The following EPHA6 variants were observed in gnomAD, a reference collection of about 807,000 sequenced individuals.
EPHA6 encodes EPH receptor A6, also known as ephrin type-A receptor 6.
EPHA6 carries 50 observed loss-of-function variants against 112.0 expected under a neutral mutation model. The observed-to-expected ratio is 0.45, with a 90% CI of 0.36 to 0.56. The LOEUF is 0.56. Ranked by LOEUF, EPHA6 falls within the 20% of genes least tolerant of loss-of-function variation. EPHA6 has a pLI of 0.00. For missense variants in EPHA6, 1,280 were observed against 1,417.4 expected (o/e 0.90, Z 1.56); for synonymous variants, 529 against 490.7 (o/e 1.08, Z -1.03).
rs184480726 is a variant in EPHA6, at chr3:97,505,228, T to C, written c.2200+21169T>C. Among the ~76,000 whole-genome samples, 417 of 152,342 alleles carry C rather than the reference T, an allele frequency of 2.7e-3. 3 individuals carry two copies. Among genetic ancestry groups the C allele is most frequent in the African/African-American group, 9.6e-3 (398 of 41,588 alleles). On this transcript the variant is annotated intron_variant, in intron 10 of 17. Transcript: ENST00000389672. ...ATTATACTTTAAGTTCTGGGATACATGTGCAGAACATGCAAGTTTGCTACA... is the reference window on the plus strand; with the variant it reads ...ATTATACTTTAAGTTCTGGGATACACGTGCAGAACATGCAAGTTTGCTACA...
intron 8 of EPHA6, among the ~76,000 whole-genome samples, chr3:97,478,093 A>T (rs1051272044): frequency 2.7e-5 from 4 of 150,738 alleles, no homozygotes; most frequent in Non-Finnish European, 2.9e-5. Context: ...ATTTAACATC[A>T]GTATTACATT....
At chr3:96,908,969 G>A (rs761562482) in intron 2 of EPHA6, among the ~76,000 whole-genome samples, 2 of 151,876 alleles carry the variant, frequency 1.3e-5, no homozygotes, top group Non-Finnish European at 2.9e-5. Flanking sequence ...CAGTTGTGAA[G>A]GTTAGAGAAC....
At chr3:97,147,720 A>T (rs2076077281) in intron 3 of EPHA6, among the ~76,000 whole-genome samples, 1 of 152,124 alleles carries the variant, frequency 6.6e-6, no homozygotes, top group Non-Finnish European at 1.5e-5. Flanking sequence ...AGACTGGGAG[A>T]TGTTCTGCAG....
At position 97,514,921 on chromosome 3, in the gene EPHA6, T is replaced by C. The variant is rs192819832; in HGVS notation, c.2201-17437T>C. Among the ~76,000 whole-genome samples the C allele has an allele frequency of 6.6e-5, 10 of 152,272 alleles. No homozygotes were observed. The East Asian group carries it at 9.7e-4, about 15-fold the overall frequency. The stretch of plus-strand genomic sequence containing the variant: ...ATCATCGGAACCTTGAGAAAATAAA[T>C]GTCTGTTGTTTAAACCACCTAGTCT... On this transcript the variant is annotated intron_variant, in intron 10 of 17. Coordinates refer to ENST00000389672, the MANE Select transcript of EPHA6 (RefSeq NM_001080448.3).
chr3:97,690,320 C>T (rs1236498751), intron 14 of EPHA6, among the ~76,000 whole-genome samples: 1 of 152,250 alleles, frequency 6.6e-6, no homozygotes, highest in Non-Finnish European at 1.5e-5. Flanking sequence ...TGTTGTCTAT[C>T]TTTTTCATTA....
rs191790658 is a variant in EPHA6, at chr3:97,268,097, T to C, written c.1606+23810T>C. On this transcript the variant is annotated intron_variant, in intron 5 of 17. Transcript: ENST00000389672. ...ATACAAAGAGTGTTGGATTCCTTTT[T>C]CCTGATTGCAAAGATGCCAGCTACA... 7.2e-5 allele frequency among the ~76,000 whole-genome samples: 11 copies of C among 152,280 alleles called. 1 individual carries two copies. The East Asian group carries it at 2.1e-3, about 29-fold the overall frequency.
chr3:96,963,657 G>C (rs917166852), intron 2 of EPHA6, among the ~76,000 whole-genome samples: 2 of 152,134 alleles, frequency 1.3e-5, no homozygotes, highest in Non-Finnish European at 2.9e-5. Flanking sequence ...CTGTCATGCA[G>C]TGGAGCTCTG....
intron 5 of EPHA6, among the ~76,000 whole-genome samples, chr3:97,378,171 C>T (rs2085485545): frequency 6.6e-6 from 1 of 152,134 alleles, no homozygotes; most frequent in Non-Finnish European, 1.5e-5. Context: ...TGCGTCCCAG[C>T]CCCTTCAGCC....
At chr3:96,818,985 A>T (rs1317521097) in intron 1 of EPHA6, among the ~76,000 whole-genome samples, 1 of 151,960 alleles carries the variant, frequency 6.6e-6, no homozygotes, top group Non-Finnish European at 1.5e-5. Context: ...ATTGATTAGC[A>T]TCCAAAGTAC....
chr3:97,622,240 T>C (rs114357508), intron 13 of EPHA6, among the ~76,000 whole-genome samples: 1,822 of 151,768 alleles, frequency 0.012, 38 homozygotes, highest in African/African-American at 0.041. Flanking sequence ...TTAAAATCAT[T>C]AAACTCCCCA....
chr3:97,427,701 G>A (rs566692784), intron 6 of EPHA6, among the ~76,000 whole-genome samples: 1 of 151,204 alleles, frequency 6.6e-6, no homozygotes, highest in Non-Finnish European at 1.5e-5. Context: ...AAAAAAAAAT[G>A]TGGTACATAT....
chr3:97,075,462 T>C (rs1288499287), intron 3 of EPHA6, among the ~76,000 whole-genome samples: 1 of 152,062 alleles, frequency 6.6e-6, no homozygotes, highest in Non-Finnish European at 1.5e-5. Flanking sequence ...AATGATATGT[T>C]TAGCTTCTAG....
chr3:97,610,885 T>G, intron 13 of EPHA6, 31 bp downstream of exon 13: 1 of 1,508,946 alleles, frequency 6.6e-7, no homozygotes, highest in Non-Finnish European at 9.2e-7. Flanking sequence ...GGCATTTAAA[T>G]AAGCTATTCT....
At chr3:96,976,492 C>T (rs779281677) in intron 2 of EPHA6, among the ~76,000 whole-genome samples, 19 of 151,686 alleles carry the variant, frequency 1.3e-4, no homozygotes, top group Admixed American at 5.9e-4. Context: ...TACTTTATGA[C>T]GTTAAAAAAA....
At chr3:97,466,415 A>G (rs765353322) in intron 7 of EPHA6, 3 of 1,603,064 alleles carry the variant, frequency 1.9e-6, no homozygotes, top group South Asian at 1.1e-5. Flanking sequence ...ATTATATTCC[A>G]TAGGACTCTC....
At chr3:97,096,232 T>C (rs1432693546) in intron 3 of EPHA6, among the ~76,000 whole-genome samples, 1 of 145,214 alleles carries the variant, frequency 6.9e-6, no homozygotes, top group African/African-American at 2.5e-5. Flanking sequence ...CCTAAGGAAA[T>C]ATATATATAT....
intron 2 of EPHA6, among the ~76,000 whole-genome samples, chr3:96,903,029 G>T (rs1405558423): frequency 1.3e-5 from 2 of 152,106 alleles, no homozygotes; most frequent in African/African-American, 4.8e-5. Flanking sequence ...GGACCAAGAA[G>T]AAACAAATAA....
intron 3 of EPHA6, among the ~76,000 whole-genome samples, chr3:97,110,887 A>G (rs960539392): frequency 6.6e-6 from 1 of 152,094 alleles, no homozygotes; most frequent in Non-Finnish European, 1.5e-5. Context: ...ACTTGCTCAG[A>G]ATTTTACAGA....
intron 6 of EPHA6, chr3:97,447,664 C>T (rs984153488): frequency 1.9e-6 from 1 of 528,046 alleles, no homozygotes; most frequent in Non-Finnish European, 2.5e-6. Flanking sequence ...AATGAACTGT[C>T]CTGTTCTGAG....
Sources: allele counts gnomAD v4.1 joint callset (sites outside exome capture counted in the v4.1 genomes callset), GRCh38; gene constraint gnomAD v4.1.1; transcripts MANE v1.5; gene names NCBI Gene and HGNC (gene_info 2026-07-23, HGNC 2026-07-21).